Variants in EPHB2 observed in about 807,000 individuals in gnomAD.
EPHB2 encodes ephrin type-B receptor 2.
In EPHB2, 18 loss-of-function variants were observed where a neutral mutation model predicts 96.4. That is an observed-to-expected ratio of 0.19 (90% CI 0.13 to 0.28). The LOEUF (loss-of-function observed/expected upper bound fraction) is 0.28. Among genes scored for constraint, EPHB2 ranks in the 10% least tolerant of loss-of-function variants. The probability of loss-of-function intolerance (pLI) is 1.00; values close to 1 mark genes in which losing one functional copy is unlikely to be tolerated. For synonymous variants in EPHB2, 506 were observed against 534.1 expected (o/e 0.95, Z 0.72); for missense variants, 989 against 1,355.4 (o/e 0.73, Z 4.25).
intron 3 of EPHB2, among the ~76,000 whole-genome samples, chr1:22,837,460 G>A (rs1225520309): frequency 6.6e-6 from 1 of 152,180 alleles, no homozygotes; most frequent in Non-Finnish European, 1.5e-5. Context: ...GTAGGTGGGA[G>A]AGATAAAAGA....
intron 1 of EPHB2, among the ~76,000 whole-genome samples, chr1:22,735,132 A>G (rs1489231823): frequency 6.6e-6 from 1 of 152,072 alleles, no homozygotes; most frequent in African/African-American, 2.4e-5. Context: ...TGTTAAGAAC[A>G]AGGACCTTTG....
intron 1 of EPHB2, among the ~76,000 whole-genome samples, chr1:22,773,991 T>C: frequency 6.6e-6 from 1 of 152,228 alleles, no homozygotes; most frequent in East Asian, 1.9e-4. Context: ...AATGGGATAA[T>C]GAGTGCTAAG....
chr1:22,788,303 C>T (rs1644640324), intron 3 of EPHB2, among the ~76,000 whole-genome samples: 1 of 152,218 alleles, frequency 6.6e-6, no homozygotes, highest in Admixed American at 6.5e-5. Flanking sequence ...AGGCTCCCTT[C>T]CACTCTCATC....
intron 3 of EPHB2, among the ~76,000 whole-genome samples, chr1:22,794,476 G>A (rs942882100): frequency 2.0e-5 from 3 of 152,086 alleles, no homozygotes; most frequent in Non-Finnish European, 4.4e-5. Flanking sequence ...CGGATGGGCC[G>A]TTCCTGCCCA....
chr1:22,793,137 A>C (rs1323519139), intron 3 of EPHB2, among the ~76,000 whole-genome samples: 1 of 152,138 alleles, frequency 6.6e-6, no homozygotes, highest in East Asian at 1.9e-4. Flanking sequence ...AGGACATGAG[A>C]TGATTCTTTC....
chr1:22,827,473 T>C (rs1404270509), intron 3 of EPHB2, among the ~76,000 whole-genome samples: 1 of 152,240 alleles, frequency 6.6e-6, no homozygotes, highest in African/African-American at 2.4e-5. Context: ...GGTAGTGTTA[T>C]ACATAGTAGT....
intron 3 of EPHB2, among the ~76,000 whole-genome samples, chr1:22,798,957 G>T (rs531991759): frequency 1.3e-5 from 2 of 152,078 alleles, no homozygotes; most frequent in Admixed American, 6.5e-5. Flanking sequence ...TGTCTAAGGT[G>T]GGGGGGACAT....
intron 1 of EPHB2, among the ~76,000 whole-genome samples, chr1:22,771,720 C>T (rs1392693057): frequency 1.3e-5 from 2 of 152,146 alleles, no homozygotes; most frequent in African/African-American, 4.8e-5. Flanking sequence ...ACGGTAGCTG[C>T]CCAGTAATGC....
chr1:22,832,295 A>G (rs1645315719), intron 3 of EPHB2, among the ~76,000 whole-genome samples: 1 of 152,160 alleles, frequency 6.6e-6, no homozygotes, highest in East Asian at 1.9e-4. Context: ...AGGGCAAACC[A>G]ATGCCACCTC....
At chr1:22,770,775 T>C (rs1325080511) in intron 1 of EPHB2, among the ~76,000 whole-genome samples, 1 of 152,118 alleles carries the variant, frequency 6.6e-6, no homozygotes, top group East Asian at 1.9e-4. Context: ...GGGAGGTTGG[T>C]TCAGTAGGAA....
chr1:22,784,801 A>G lies in EPHB2; in HGVS notation c.536A>G (p.Gln179Arg). Residue 179 changes from glutamine (Q) to arginine (R), a missense_variant, in exon 3 of 16, where the codon CAG becomes CGG. Physicochemically the swap from Gln to Arg is conservative, Grantham distance 43. Transcript: ENST00000374630. This position sits in a 1 kb window ranked among gnomAD's most constrained non-coding sequence, Gnocchi z 5.1. ...VSRSGFYLAF[Q>R]DYGGCMSLIA... ...CGCAGCGGCTTCTACCTGGCCTTCC[A>G]GGACTATGGCGGCTGCATGTCCCTC... 1.2e-6 allele frequency: 2 copies of G among 1,603,902 alleles called. No homozygotes were observed. Among genetic ancestry groups the G allele is most frequent in the Non-Finnish European group, 1.7e-6 (2 of 1,173,310 alleles).
At position 22,830,253 on chromosome 1, in the gene EPHB2, C is replaced by A. The variant is rs746272074; in HGVS notation, c.812-32784C>A. Reference sequence around the variant, plus strand: ...TTTGTCCCCAGAGGCTGGCATCAGACGCCATGCTCTGAGGAGAGGGGCGGT... The same window carrying A: ...TTTGTCCCCAGAGGCTGGCATCAGAAGCCATGCTCTGAGGAGAGGGGCGGT... On this transcript the variant is annotated intron_variant, in intron 3 of 15. Transcript: ENST00000374630. Among the ~76,000 whole-genome samples, 3 of 152,160 alleles carry A rather than the reference C, an allele frequency of 2.0e-5. No individual in the cohort carries two copies. The East Asian group carries it at 5.8e-4, about 29-fold the overall frequency.
intron 3 of EPHB2, among the ~76,000 whole-genome samples, chr1:22,815,911 A>G (rs966333723): frequency 6.6e-6 from 1 of 152,168 alleles, no homozygotes; most frequent in Non-Finnish European, 1.5e-5. Context: ...TGAAGCCACC[A>G]TGTCCATCGG....
intron 9 of EPHB2, among the ~76,000 whole-genome samples, chr1:22,899,211 A>AT (rs1199710376): frequency 3.3e-5 from 4 of 122,462 alleles, no homozygotes; most frequent in Non-Finnish European, 5.3e-5. Context: ...AAAAAAAAAA[A>AT]TAGTTTGGGG....
intron 3 of EPHB2, among the ~76,000 whole-genome samples, chr1:22,787,994 A>G (rs192446978): frequency 1.7e-4 from 26 of 152,338 alleles, no homozygotes; most frequent in Admixed American, 7.8e-4. Flanking sequence ...AGAGTGAGAG[A>G]GCCAAGAGAG....
intron 1 of EPHB2, among the ~76,000 whole-genome samples, chr1:22,768,171 C>T (rs926304538): frequency 6.6e-6 from 1 of 152,200 alleles, no homozygotes; most frequent in Non-Finnish European, 1.5e-5. Context: ...TCAGAAAGAG[C>T]GAGGGCTTTG....
chr1:22,715,205 G>A (rs1185724088), intron 1 of EPHB2, among the ~76,000 whole-genome samples: 1 of 152,232 alleles, frequency 6.6e-6, no homozygotes, highest in Non-Finnish European at 1.5e-5. Context: ...TGGAGATGGA[G>A]GGAAGTCCAT....
chr1:22,891,598 A>C (rs1172921238), intron 6 of EPHB2, among the ~76,000 whole-genome samples: 1 of 152,116 alleles, frequency 6.6e-6, no homozygotes, highest in Non-Finnish European at 1.5e-5. Context: ...ATCTGATCCA[A>C]CCACATCTCC....
chr1:22,842,773 C>T (rs1645488474), intron 3 of EPHB2, among the ~76,000 whole-genome samples: 1 of 152,100 alleles, frequency 6.6e-6, no homozygotes, highest in African/African-American at 2.4e-5. Flanking sequence ...TTCATTCCCT[C>T]TGAGGAAGAG....
Sources: gnomAD v4.1 joint callset for allele counts (sites outside exome capture counted in the v4.1 genomes callset) on GRCh38, gnomAD v4.1.1 for gene constraint, Gnocchi (gnomAD v3.1) non-coding constraint, MANE v1.5 for transcripts, NCBI Gene and HGNC (gene_info 2026-07-23, HGNC 2026-07-21) for gene names.